TULP3: variants seen among roughly 807,000 people sequenced by gnomAD.
The protein encoded by TULP3 is tubby-related protein 3.
TULP3 carries 38 observed loss-of-function variants against 50.7 expected under a neutral mutation model. The ratio of observed to expected loss-of-function variants is 0.75; its 90% confidence interval spans 0.58 to 0.98. The LOEUF (loss-of-function observed/expected upper bound fraction) is 0.98, where lower values mean the gene tolerates loss of function less well. Among genes scored for constraint, TULP3 ranks in the 50% least tolerant of loss-of-function variants. The pLI is 0.00. For synonymous variants in TULP3, 183 were observed against 196.6 expected (o/e 0.93, Z 0.58); for missense variants, 550 against 568.0 (o/e 0.97, Z 0.32).
At position 2,940,489 on chromosome 12, in the gene TULP3, C is replaced by A; in HGVS notation, c.*1045C>A. 1 of 1,513,656 alleles carries A rather than the reference C, an allele frequency of 6.6e-7. No homozygotes were observed. Among genetic ancestry groups the A allele is most frequent in the Non-Finnish European group, 8.9e-7 (1 of 1,127,464 alleles). 93.8% of individuals were successfully genotyped at this position (1,513,656 alleles called of 1,614,324 possible). On this transcript the variant is annotated 3_prime_UTR_variant, in exon 11 of 11. Coordinates refer to ENST00000448120, the MANE Select transcript of TULP3 (RefSeq NM_003324.5). Reference sequence around the variant, plus strand: ...ACGTTTTTTTGATTATTACACCCCTCCACGTATTATGTGACTCTTACACCA... The same window carrying A: ...ACGTTTTTTTGATTATTACACCCCTACACGTATTATGTGACTCTTACACCA...
At position 2,940,552 on chromosome 12, in the gene TULP3, G is replaced by T; in HGVS notation, c.*1108G>T. ...CAGAATGTATCCAAACCTTGAGAAT[G>T]CAGGAGCTCTGTGAGCTCCACCGTC... On this transcript the variant is annotated 3_prime_UTR_variant, in exon 11 of 11. Coordinates refer to ENST00000448120, the MANE Select transcript of TULP3 (RefSeq NM_003324.5). The T allele has an allele frequency of 1.3e-6, 2 of 1,550,886 alleles. No homozygotes were observed. Among genetic ancestry groups the T allele is most frequent in the Non-Finnish European group, 1.7e-6 (2 of 1,146,552 alleles).
At chr12:2,927,875 TA>T (rs1410433879) in intron 4 of TULP3, among the ~76,000 whole-genome samples, 34 of 152,334 alleles carry the variant, frequency 2.2e-4, no homozygotes, top group African/African-American at 7.7e-4. Flanking sequence ...ACCCCGCAGA[TA>T]CTAGACACAA....
intron 8 of TULP3, 103 bp from the exon 9 acceptor site, chr12:2,937,528 A>G (rs1011420195): frequency 1.4e-5 from 12 of 857,142 alleles, no homozygotes; most frequent in African/African-American, 5.1e-5. Context: ...TACAGCTGAT[A>G]TTGTCAGCAT....
chr12:2,929,434 T>G (rs553373434), intron 4 of TULP3, among the ~76,000 whole-genome samples: 1 of 152,178 alleles, frequency 6.6e-6, no homozygotes, highest in Non-Finnish European at 1.5e-5. Context: ...CTCAGCTAGC[T>G]AGGACTACAG....
chr12:2,922,108 C>T (rs1330425081), intron 3 of TULP3, among the ~76,000 whole-genome samples, 154 bp from the exon 4 acceptor site: 8 of 152,106 alleles, frequency 5.3e-5, no homozygotes, highest in Admixed American at 5.2e-4. Context: ...CAGTTCTGAC[C>T]TTCTCTCTTA....
chr12:2,903,534 C>A (rs1047417869), intron 1 of TULP3, among the ~76,000 whole-genome samples: 2 of 149,074 alleles, frequency 1.3e-5, no homozygotes, highest in African/African-American at 2.5e-5. Context: ...TGCACTGCAG[C>A]CTGGGCAACA....
At chr12:2,924,707 G>A (rs900594001) in intron 4 of TULP3, among the ~76,000 whole-genome samples, 15 of 151,096 alleles carry the variant, frequency 9.9e-5, no homozygotes, top group Non-Finnish European at 1.9e-4. Context: ...AAAAAAATTG[G>A]GTTGGGTGGA....
At chr12:2,897,267 C>T (rs984126501) in intron 1 of TULP3, among the ~76,000 whole-genome samples, 1 of 152,082 alleles carries the variant, frequency 6.6e-6, no homozygotes, top group Non-Finnish European at 1.5e-5. Context: ...GCCTCGGCCT[C>T]CTAAAGTACT....
chr12:2,913,904 C>T (rs559132323), intron 2 of TULP3, among the ~76,000 whole-genome samples: 4 of 152,234 alleles, frequency 2.6e-5, no homozygotes, highest in African/African-American at 7.2e-5. Flanking sequence ...CCACTGTGCC[C>T]GGCCTCTGTG....
At chr12:2,937,871 C>A in intron 9 of TULP3, 142 bp downstream of exon 9, 2 of 875,308 alleles carry the variant, frequency 2.3e-6, no homozygotes, top group Non-Finnish European at 3.5e-6. Flanking sequence ...TTTAGGAAAG[C>A]TGCCCCTCCA....
intron 1 of TULP3, among the ~76,000 whole-genome samples, chr12:2,899,663 G>T (rs577709776): frequency 5.3e-5 from 8 of 152,286 alleles, no homozygotes; most frequent in African/African-American, 1.4e-4. Context: ...GGAGGCCAAG[G>T]TGGGCGGATC....
chr12:2,930,938 G>C (rs773902915), intron 5 of TULP3, 99 bp from the exon 6 acceptor site: 41 of 1,288,500 alleles, frequency 3.2e-5, no homozygotes, highest in Non-Finnish European at 4.4e-5. Flanking sequence ...CTGAAGACAC[G>C]GGTAAATTAC....
intron 8 of TULP3, among the ~76,000 whole-genome samples, chr12:2,936,970 C>T (rs566975500): frequency 3.8e-4 from 58 of 150,806 alleles, no homozygotes; most frequent in Non-Finnish European, 6.2e-4. Flanking sequence ...ATTAGCCAGG[C>T]GTGGTGGCAT....
chr12:2,912,137 T>C (rs1180445260), intron 2 of TULP3, among the ~76,000 whole-genome samples: 1 of 152,216 alleles, frequency 6.6e-6, no homozygotes, highest in African/African-American at 2.4e-5. Flanking sequence ...AACATTGGGC[T>C]GGGAATCAGA....
At chr12:2,891,146 C>T (rs111819468) in intron 1 of TULP3, among the ~76,000 whole-genome samples, 158 bp downstream of exon 1, 2,035 of 146,640 alleles carry the variant, frequency 0.014, 48 homozygotes, top group African/African-American at 0.048. Context: ...GACCCCCTCG[C>T]CCTACTCCCG....
chr12:2,908,866 C>G (rs1347658593), intron 1 of TULP3, among the ~76,000 whole-genome samples: 1 of 151,964 alleles, frequency 6.6e-6, no homozygotes, highest in African/African-American at 2.4e-5. Context: ...TTACAGTCCT[C>G]CTCTCCTTTG....
intron 3 of TULP3, 41 bp from the exon 4 acceptor site, chr12:2,922,221 C>G (rs1399367076): frequency 6.2e-7 from 1 of 1,600,058 alleles, no homozygotes; most frequent in African/African-American, 1.3e-5. Context: ...GTGAATAATA[C>G]TTTGCTCCTT....
intron 6 of TULP3, 146 bp from the exon 7 acceptor site, chr12:2,933,272 A>G: frequency 1.7e-6 from 1 of 590,606 alleles, no homozygotes; most frequent in Non-Finnish European, 3.0e-6. Flanking sequence ...GAGTTAGAGA[A>G]AGGGATAAAG....
intron 2 of TULP3, among the ~76,000 whole-genome samples, chr12:2,914,123 TTC>T (rs998680379): frequency 8.5e-5 from 11 of 128,672 alleles, no homozygotes; most frequent in African/African-American, 3.2e-4. Flanking sequence ...CAATAAATAA[TTC>T]TTTTTTTTTT....
Sources: gnomAD v4.1 joint callset for allele counts (sites outside exome capture counted in the v4.1 genomes callset) on GRCh38, gnomAD v4.1.1 for gene constraint, MANE v1.5 for transcripts, NCBI Gene and HGNC (gene_info 2026-07-23, HGNC 2026-07-21) for gene names.